The following SDR42E2 variants were observed in gnomAD, a reference collection of about 807,000 sequenced individuals.
SDR42E2 encodes putative short-chain dehydrogenase/reductase family 42E member 2.
SDR42E2 carries 20 observed loss-of-function variants against 10.5 expected under a neutral mutation model. That is an observed-to-expected ratio of 1.90 (90% CI 1.34 to 2.77). The LOEUF (loss-of-function observed/expected upper bound fraction) is 2.77, where lower values mean the gene tolerates loss of function less well. SDR42E2 is among the 30% of genes most tolerant of loss of function. The pLI is 0.00. For synonymous variants in SDR42E2, 72 were observed against 39.2 expected (o/e 1.84, Z -3.12); for missense variants, 162 against 104.2 (o/e 1.55, Z -2.42).
At chr16:22,171,433 G>T (rs769592186) in intron 6 of SDR42E2, among the ~76,000 whole-genome samples, 10 of 151,594 alleles carry the variant, frequency 6.6e-5, no homozygotes, top group Admixed American at 4.6e-4. Flanking sequence ...TAGAGACAGG[G>T]TTTACCATGT....
chr16:22,166,912 C>T lies in SDR42E2; in HGVS notation c.249C>T (p.Val83=), dbSNP rs551887038. ...TTCTTCCTCTGGTGCAGGCTGATGT[C>T]CGAGATGAAGAAGCCCTGTACCGTG... ...SPETKFIQAD[V]RDEEALYRAF... The change falls in exon 4 of 13, where the codon GTC becomes GTT. Residue 83 remains valine, a synonymous_variant. Transcript: ENST00000602312. 1.5e-5 allele frequency: 10 copies of T among 673,998 alleles called. No homozygotes were observed. In the South Asian group the frequency reaches 1.5e-4, roughly 10 times the overall value. The allele number at this position is 673,998 out of a possible 1,614,324, so 41.8% of individuals were successfully genotyped here.
chr16:22,185,328 T>C (rs1598145485), intron 11 of SDR42E2, among the ~76,000 whole-genome samples: 1 of 151,950 alleles, frequency 6.6e-6, no homozygotes, highest in Non-Finnish European at 1.5e-5. Flanking sequence ...AAGCAGGGGG[T>C]TGCAAATTTT....
At position 22,190,284 on chromosome 16, in the gene SDR42E2, G is replaced by T. The variant is rs2046763437; in HGVS notation, c.1160G>T (p.Arg387Leu). ...TTRRPRGSTA[R>L]TLLRLLLRLL... ...CGGCGGCCCCGCGGCTCCACGGCGC[G>T]GACCCTCCTGCGCCTGCTGCTCAGG... The change falls in exon 13 of 13, where the codon CGG (arginine) becomes CTG (leucine). Residue 387 changes from arginine (R) to leucine (L), a missense_variant. By Grantham distance (102) the Arg-to-Leu change is moderately radical (BLOSUM62 -2). Coordinates refer to ENST00000602312, the MANE Select transcript of SDR42E2 (RefSeq NM_001394319.2). 7.5e-6 allele frequency: 3 copies of T among 401,402 alleles called. No individual in the cohort carries two copies. The Admixed American group carries it at 1.3e-4, about 18-fold the overall frequency. 24.9% of individuals were successfully genotyped at this position (401,402 alleles called of 1,614,324 possible).
At chr16:22,169,175 T>C (rs751894902) in intron 4 of SDR42E2, among the ~76,000 whole-genome samples, 5 of 152,172 alleles carry the variant, frequency 3.3e-5, no homozygotes, top group Admixed American at 2.0e-4. Flanking sequence ...AAGTGTCTTA[T>C]TGAGTCCCGC....
intron 8 of SDR42E2, among the ~76,000 whole-genome samples, chr16:22,179,053 G>A (rs772110360): frequency 4.6e-5 from 7 of 152,096 alleles, no homozygotes; most frequent in Non-Finnish European, 1.0e-4. Context: ...GAGTGCAATG[G>A]TGTGATCATG....
intron 7 of SDR42E2, among the ~76,000 whole-genome samples, chr16:22,175,603 G>A (rs570616588): frequency 2.7e-5 from 4 of 150,320 alleles, no homozygotes; most frequent in East Asian, 2.0e-4. Flanking sequence ...GATTGCTTGA[G>A]CCTGGGAGGT....
intron 12 of SDR42E2, among the ~76,000 whole-genome samples, chr16:22,187,771 G>A (rs1188735468): frequency 1.3e-5 from 2 of 152,082 alleles, no homozygotes; most frequent in Non-Finnish European, 2.9e-5. Flanking sequence ...AAATAGCAAA[G>A]TAATCGGTGG....
intron 7 of SDR42E2, among the ~76,000 whole-genome samples, chr16:22,177,792 T>G (rs2046657352): frequency 6.6e-6 from 1 of 151,696 alleles, no homozygotes; most frequent in Non-Finnish European, 1.5e-5. Flanking sequence ...GAGTGCTTGG[T>G]AAACAGACCG....
In SDR42E2 at chr16:22,184,347, A is replaced by G. The variant is rs551899783; in HGVS notation, c.940+103A>G. 92 of 385,580 alleles carry G rather than the reference A, an allele frequency of 2.4e-4. 1 individual carries two copies. Among genetic ancestry groups the G allele is most frequent in the African/African-American group, 1.8e-3 (89 of 48,376 alleles). 23.9% of individuals were successfully genotyped at this position (385,580 alleles called of 1,614,324 possible). The stretch of plus-strand genomic sequence containing the variant: ...CCAGGCACGGTGGCTCACGCCTGTA[A>G]TCCTAGCACTTTGGGAGGCTGAGGC... On this transcript the variant is annotated intron_variant, in intron 11 of 12. Transcript: ENST00000602312.
Position 22,164,695 on chromosome 16 carries a change from G to A in SDR42E2, c.-36-852G>A, listed in dbSNP as rs774943163. ...TGTCGGACCTTGGAGGACCAGAGGCGTCAGGCATCAGGGTGGAGACAGGCA... is the reference window on the plus strand; with the variant it reads ...TGTCGGACCTTGGAGGACCAGAGGCATCAGGCATCAGGGTGGAGACAGGCA... On this transcript the variant is annotated intron_variant, in intron 1 of 12. Transcript: ENST00000602312. Among the ~76,000 whole-genome samples the A allele has an allele frequency of 5.9e-5, 9 of 152,322 alleles. 1 individual carries two copies. The highest frequency in any genetic ancestry group is 4.1e-4 in the South Asian group (2 of 4,826).
chr16:22,166,924 A>G lies in SDR42E2; in HGVS notation c.261A>G (p.Glu87=). Residue 87 remains glutamate, a synonymous_variant, in exon 4 of 13, where the codon GAA becomes GAG. Transcript: ENST00000602312. ...KFIQADVRDE[E]ALYRAFEGVD... ...TGCAGGCTGATGTCCGAGATGAAGA[A>G]GCCCTGTACCGTGCCTTCGAAGGGG... 1.5e-6 allele frequency: 1 copy of G among 680,450 alleles called. No homozygotes were observed. The highest frequency in any genetic ancestry group is 2.7e-6 in the Non-Finnish European group (1 of 369,046). 42.2% of individuals were successfully genotyped at this position (680,450 alleles called of 1,614,324 possible).
chr16:22,165,301 T>G (rs1290239141), intron 1 of SDR42E2, among the ~76,000 whole-genome samples: 1 of 152,176 alleles, frequency 6.6e-6, no homozygotes, highest in Non-Finnish European at 1.5e-5. Flanking sequence ...TTGGCCATGC[T>G]GATCTCCAAC....
At chr16:22,188,425 G>T (rs1357098771) in intron 12 of SDR42E2, among the ~76,000 whole-genome samples, 1 of 152,190 alleles carries the variant, frequency 6.6e-6, no homozygotes, top group African/African-American at 2.4e-5. Context: ...AGTATGCCAG[G>T]CACTGTGCTT....
At chr16:22,165,914 C>T (rs956730966) in intron 2 of SDR42E2, among the ~76,000 whole-genome samples, 2 of 145,606 alleles carry the variant, frequency 1.4e-5, no homozygotes, top group African/African-American at 5.1e-5. Context: ...AGGTCCGTAC[C>T]TGGGCCAGGA....
At chr16:22,177,952 G>A (rs2046658900) in intron 7 of SDR42E2, among the ~76,000 whole-genome samples, 178 bp from the exon 8 acceptor site, 1 of 152,144 alleles carries the variant, frequency 6.6e-6, no homozygotes, top group Non-Finnish European at 1.5e-5. Flanking sequence ...GTGAGACTCT[G>A]AATAGTGTCT....
At chr16:22,185,822 G>A (rs2046732780) in intron 11 of SDR42E2, among the ~76,000 whole-genome samples, 1 of 152,122 alleles carries the variant, frequency 6.6e-6, no homozygotes, top group South Asian at 2.1e-4. Context: ...ACCCCAGCTG[G>A]TATCGAACTC....
chr16:22,187,663 C>T (rs964557529), intron 12 of SDR42E2, among the ~76,000 whole-genome samples: 2 of 151,486 alleles, frequency 1.3e-5, no homozygotes, highest in Non-Finnish European at 2.9e-5. Context: ...TACAGGCATG[C>T]ACCACCATGC....
intron 1 of SDR42E2, among the ~76,000 whole-genome samples, chr16:22,163,678 G>A (rs1015919294): frequency 2.0e-5 from 3 of 152,206 alleles, no homozygotes; most frequent in African/African-American, 7.2e-5. Flanking sequence ...CTGCACTCCA[G>A]CCTGAGCAAC....
intron 5 of SDR42E2, among the ~76,000 whole-genome samples, chr16:22,170,269 G>A (rs764148562): frequency 1.3e-5 from 2 of 152,032 alleles, no homozygotes; most frequent in African/African-American, 2.4e-5. Flanking sequence ...CAGGAGAATC[G>A]CTTGAACCTG....
Sources: allele counts gnomAD v4.1 joint callset (sites outside exome capture counted in the v4.1 genomes callset), GRCh38; gene constraint gnomAD v4.1.1; transcripts MANE v1.5; gene names NCBI Gene and HGNC (gene_info 2026-07-23, HGNC 2026-07-21).